KYNU: variants seen among roughly 807,000 people sequenced by gnomAD.
The protein encoded by KYNU is kynureninase, also known as L-kynurenine hydrolase.
Under a neutral mutation model 59.2 loss-of-function variants are expected in KYNU, and 54 were observed. The ratio of observed to expected loss-of-function variants is 0.91; its 90% confidence interval spans 0.73 to 1.14. KYNU has a LOEUF of 1.14. Among genes scored for constraint, KYNU ranks in the 50% most tolerant of loss-of-function variants. The pLI, the probability that KYNU is intolerant of heterozygous loss-of-function variation, is 0.00. For missense variants in KYNU, 567 were observed against 554.4 expected (o/e 1.02, Z -0.23); for synonymous variants, 177 against 192.0 (o/e 0.92, Z 0.65).
intron 8 of KYNU, among the ~76,000 whole-genome samples, chr2:142,965,701 C>T (rs773892228): frequency 2.0e-5 from 3 of 152,278 alleles, no homozygotes; most frequent in Non-Finnish European, 4.4e-5. Flanking sequence ...TGACTCACTG[C>T]TTCCTGAAAT....
At chr2:142,906,052 CCTCTTT>C (rs1042967146) in intron 2 of KYNU, among the ~76,000 whole-genome samples, 1 of 144,612 alleles carries the variant, frequency 6.9e-6, no homozygotes, top group African/African-American at 2.8e-5. Flanking sequence ...TCTCTCTCTG[CCTCTTT>C]CTCTTTCTCT....
At chr2:143,032,183 C>A (rs1358023063) in intron 11 of KYNU, among the ~76,000 whole-genome samples, 1 of 151,998 alleles carries the variant, frequency 6.6e-6, no homozygotes, top group Non-Finnish European at 1.5e-5. Flanking sequence ...AAAGCTGAGG[C>A]AGGAGAATGG....
At chr2:143,038,177 C>T (rs900312467) in intron 12 of KYNU, among the ~76,000 whole-genome samples, 3 of 152,130 alleles carry the variant, frequency 2.0e-5, no homozygotes, top group African/African-American at 7.2e-5. Flanking sequence ...ATATCGATTG[C>T]CCCCATGTAC....
At chr2:142,947,191 C>G (rs1212923436) in intron 4 of KYNU, 3 of 1,550,766 alleles carry the variant, frequency 1.9e-6, no homozygotes, top group Non-Finnish European at 2.6e-6. Context: ...AACGCAGACA[C>G]CTCTGAGGTT....
chr2:142,918,824 A>G, intron 3 of KYNU, 95 bp downstream of exon 3: 3 of 1,364,938 alleles, frequency 2.2e-6, no homozygotes, highest in Non-Finnish European at 3.1e-6. Context: ...TGTGTAATAG[A>G]ATCCTAGTAC....
At chr2:142,882,823 A>T (rs1681349368) in intron 1 of KYNU, among the ~76,000 whole-genome samples, 1 of 152,226 alleles carries the variant, frequency 6.6e-6, no homozygotes, top group African/African-American at 2.4e-5. Context: ...AGCATGATTT[A>T]TAATCCTTTG....
intron 2 of KYNU, among the ~76,000 whole-genome samples, chr2:142,892,807 T>C (rs1230106666): frequency 1.3e-5 from 2 of 152,248 alleles, no homozygotes; most frequent in African/African-American, 4.8e-5. Context: ...TTTATTTGTT[T>C]GTTTATCTCT....
chr2:142,961,669 TACTA>T (rs1428304789), intron 8 of KYNU, among the ~76,000 whole-genome samples: 1 of 152,152 alleles, frequency 6.6e-6, no homozygotes, highest in Non-Finnish European at 1.5e-5. Flanking sequence ...TCCTACCCAC[TACTA>T]AATCACAGTT....
intron 2 of KYNU, among the ~76,000 whole-genome samples, chr2:142,890,997 A>G (rs981657663): frequency 1.3e-5 from 2 of 152,164 alleles, no homozygotes; most frequent in Non-Finnish European, 1.5e-5. Context: ...TTAAGGATAT[A>G]AACTCCTTCT....
At chr2:143,034,862 G>A (rs894856371) in intron 12 of KYNU, among the ~76,000 whole-genome samples, 1 of 152,188 alleles carries the variant, frequency 6.6e-6, no homozygotes, top group Non-Finnish European at 1.5e-5. Context: ...GGAAGAGCTT[G>A]TACCTAAAGT....
chr2:142,978,573 C>T (rs1221861030), intron 8 of KYNU, among the ~76,000 whole-genome samples: 1 of 152,150 alleles, frequency 6.6e-6, no homozygotes, highest in Non-Finnish European at 1.5e-5. Context: ...TTGTCTCATC[C>T]ACTGGAGTCT....
At position 142,974,980 on chromosome 2, in the gene KYNU, A is replaced by T. The variant is rs947396750; in HGVS notation, c.730-10104A>T. On this transcript the variant is annotated intron_variant, in intron 8 of 13. Coordinates refer to ENST00000264170, the MANE Select transcript of KYNU (RefSeq NM_003937.3). ...AAATATTAGGGTATGGCTTGAAATC[A>T]GTGGGTAATAAAATTCTAATGATAA... 3.9e-5 allele frequency among the ~76,000 whole-genome samples: 6 copies of T among 152,266 alleles called. No homozygotes were observed. The South Asian group carries it at 1.2e-3, about 32-fold the overall frequency.
chr2:142,976,012 C>A (rs1441699904), intron 8 of KYNU, among the ~76,000 whole-genome samples: 1 of 152,068 alleles, frequency 6.6e-6, no homozygotes, highest in Non-Finnish European at 1.5e-5. Context: ...TGGGGCTCGT[C>A]ATGGGTGGTA....
chr2:143,033,433 G>T, intron 12 of KYNU, 112 bp downstream of exon 12: 2 of 840,994 alleles, frequency 2.4e-6, no homozygotes, highest in South Asian at 2.7e-5. Context: ...TGTGCACTGT[G>T]CATGAACAAG....
intron 2 of KYNU, among the ~76,000 whole-genome samples, chr2:142,894,180 T>C (rs185576507): frequency 1.3e-5 from 2 of 152,248 alleles, no homozygotes; most frequent in Admixed American, 6.5e-5. Context: ...AACTAATGGG[T>C]TCAAAATTAG....
chr2:142,984,773 T>C (rs188048606), intron 8 of KYNU, among the ~76,000 whole-genome samples: 1 of 152,136 alleles, frequency 6.6e-6, no homozygotes, highest in Admixed American at 6.6e-5. Context: ...ACTAGTACAG[T>C]TCGGTACCGC....
rs1303868817 is a variant in KYNU at position 142,980,067 on chromosome 2, T to C, written c.730-5017T>C. On this transcript the variant is annotated intron_variant, in intron 8 of 13. Transcript: ENST00000264170. ...TATTCATGATTTTTCTGGGACGGGG[T>C]TGGGCAATTCCCAGAACCGAGGGTT... Among the ~76,000 whole-genome samples, 3 of 152,072 alleles carry C rather than the reference T, an allele frequency of 2.0e-5. No individual in the cohort carries two copies. The East Asian group carries it at 5.8e-4, about 29-fold the overall frequency.
rs560208998 is a variant in KYNU at position 142,966,773 on chromosome 2, G to C, written c.729+6003G>C. Among the ~76,000 whole-genome samples, 35 of 152,108 alleles carry C rather than the reference G, an allele frequency of 2.3e-4. 1 individual carries two copies. In the South Asian group the frequency reaches 3.1e-3, roughly 14 times the overall value. On this transcript the variant is annotated intron_variant, in intron 8 of 13. Coordinates refer to ENST00000264170, the MANE Select transcript of KYNU (RefSeq NM_003937.3). Reference sequence around the variant, plus strand: ...GGTTTGTTCTAAAGAGAATGAAAAGGTATACATTTTAAAAATACTTAGTGC... The same window carrying C: ...GGTTTGTTCTAAAGAGAATGAAAAGCTATACATTTTAAAAATACTTAGTGC...
intron 10 of KYNU, among the ~76,000 whole-genome samples, chr2:143,011,224 C>G (rs1283871231): frequency 1.5e-5 from 2 of 129,790 alleles, no homozygotes; most frequent in South Asian, 2.5e-4. Flanking sequence ...AAGAAAAAAA[C>G]AAACAACCCC....
Sources: allele counts gnomAD v4.1 joint callset (sites outside exome capture counted in the v4.1 genomes callset), GRCh38; gene constraint gnomAD v4.1.1; transcripts MANE v1.5; gene names NCBI Gene and HGNC (gene_info 2026-07-23, HGNC 2026-07-21).